EFNA5: variants seen among roughly 807,000 people sequenced by gnomAD.
EFNA5 encodes ephrin A5.
EFNA5 carries 5 observed loss-of-function variants against 22.9 expected under a neutral mutation model. That is an observed-to-expected ratio of 0.22 (90% CI 0.11 to 0.46). The LOEUF is 0.46. Ranked by LOEUF, EFNA5 falls within the 20% of genes least tolerant of loss-of-function variation. The pLI, the probability that EFNA5 is intolerant of heterozygous loss-of-function variation, is 0.99. For synonymous variants in EFNA5, 113 were observed against 112.2 expected, an observed-to-expected ratio of 1.01 and a Z score of -0.04; for missense variants, 237 against 293.3, an observed-to-expected ratio of 0.81 and a Z score of 1.40.
rs1688360492 is a variant in EFNA5 at position 107,470,131 on chromosome 5, C to T, written c.126-42622G>A. ...AGGGGCTCTGAAACTCACATACACACCTACAGCTGGAGAGCCGCTCCTTTG... is the reference window on the plus strand; with the variant it reads ...AGGGGCTCTGAAACTCACATACACATCTACAGCTGGAGAGCCGCTCCTTTG... On this transcript the variant is annotated intron_variant, in intron 1 of 4. Coordinates refer to ENST00000333274, the MANE Select transcript of EFNA5 (RefSeq NM_001962.3). Among the ~76,000 whole-genome samples the T allele has an allele frequency of 1.3e-5, 2 of 152,176 alleles. 1 individual carries two copies. Among genetic ancestry groups the T allele is most frequent in the South Asian group, 4.1e-4 (2 of 4,824 alleles).
At chr5:107,548,502 G>C (rs1325151074) in intron 1 of EFNA5, among the ~76,000 whole-genome samples, 1 of 151,958 alleles carries the variant, frequency 6.6e-6, no homozygotes, top group Non-Finnish European at 1.5e-5. Flanking sequence ...TTTTTGCAAG[G>C]TGAGTAAGTT....
At chr5:107,542,561 G>A (rs910837019) in intron 1 of EFNA5, among the ~76,000 whole-genome samples, 1 of 151,950 alleles carries the variant, frequency 6.6e-6, no homozygotes, top group East Asian at 1.9e-4. Context: ...ATAAGGGGGG[G>A]GTGCGGGGAG....
chr5:107,526,469 C>A (rs1278663322), intron 1 of EFNA5, among the ~76,000 whole-genome samples: 1 of 152,186 alleles, frequency 6.6e-6, no homozygotes, highest in Non-Finnish European at 1.5e-5. Flanking sequence ...GCAAACAGCC[C>A]AGACTTGATT....
chr5:107,607,264 G>A (rs919117151), intron 1 of EFNA5, among the ~76,000 whole-genome samples: 2 of 149,076 alleles, frequency 1.3e-5, no homozygotes, highest in Admixed American at 6.6e-5. Flanking sequence ...AAATGGTGGA[G>A]GTTTATGATC....
At chr5:107,569,589 A>ATATATATATATG (rs1748751969) in intron 1 of EFNA5, among the ~76,000 whole-genome samples, 1 of 132,614 alleles carries the variant, frequency 7.5e-6, no homozygotes, top group Non-Finnish European at 1.6e-5. Context: ...ATATATATAT[A>ATATATATATATG]TATATATTCC....
chr5:107,653,002 C>A (rs1009084954), intron 1 of EFNA5, among the ~76,000 whole-genome samples: 1 of 151,980 alleles, frequency 6.6e-6, no homozygotes, highest in African/African-American at 2.4e-5. Flanking sequence ...CCCAGGGATG[C>A]CAAGGCACTT....
At chr5:107,590,356 T>C (rs954454108) in intron 1 of EFNA5, among the ~76,000 whole-genome samples, 3 of 152,080 alleles carry the variant, frequency 2.0e-5, no homozygotes. Flanking sequence ...TAGTTCTGTG[T>C]CAAATGTTGG....
intron 1 of EFNA5, among the ~76,000 whole-genome samples, chr5:107,496,680 G>T (rs928571741): frequency 6.6e-6 from 1 of 152,224 alleles, no homozygotes; most frequent in East Asian, 1.9e-4. Flanking sequence ...GTTGGGGCTT[G>T]CTAAGCAATA....
chr5:107,566,063 C>T (rs1748660716), intron 1 of EFNA5, among the ~76,000 whole-genome samples: 2 of 152,154 alleles, frequency 1.3e-5, no homozygotes, highest in South Asian at 2.1e-4. Flanking sequence ...TTGATATTCC[C>T]AGAAGATTCT....
chr5:107,582,432 GT>G (rs1749091037), intron 1 of EFNA5, among the ~76,000 whole-genome samples: 1 of 152,124 alleles, frequency 6.6e-6, no homozygotes, highest in Non-Finnish European at 1.5e-5. Flanking sequence ...TTCAATAAAT[GT>G]TTAGAGAACA....
chr5:107,439,401 G>A (rs1438105189), intron 1 of EFNA5, among the ~76,000 whole-genome samples: 2 of 152,230 alleles, frequency 1.3e-5, no homozygotes, highest in East Asian at 3.8e-4. Flanking sequence ...AGTCTGAGCA[G>A]ACTAATATGA....
At chr5:107,515,365 AT>A (rs1747455032) in intron 1 of EFNA5, among the ~76,000 whole-genome samples, 1 of 45,608 alleles carries the variant, frequency 2.2e-5, no homozygotes, top group Admixed American at 2.9e-4. Context: ...TTTTTATTTT[AT>A]TATTATTATT....
At chr5:107,510,641 C>T (rs17534228) in intron 1 of EFNA5, among the ~76,000 whole-genome samples, 22,439 of 152,086 alleles carry the variant, frequency 0.15, 1,870 homozygotes, top group Middle Eastern at 0.21. Context: ...GTGCTTAGTA[C>T]GTTTTCTTGA....
intron 1 of EFNA5, among the ~76,000 whole-genome samples, chr5:107,548,784 T>G (rs1246841190): frequency 6.6e-6 from 1 of 152,156 alleles, no homozygotes; most frequent in Non-Finnish European, 1.5e-5. Flanking sequence ...CAAAGGTGTG[T>G]TGGCTTTGGT....
At chr5:107,637,287 G>A (rs1750392717) in intron 1 of EFNA5, among the ~76,000 whole-genome samples, 1 of 152,172 alleles carries the variant, frequency 6.6e-6, no homozygotes, top group Non-Finnish European at 1.5e-5. Flanking sequence ...TCCCAAGAAT[G>A]ACTTTTGGTT....
At chr5:107,651,468 C>G (rs1750728249) in intron 1 of EFNA5, among the ~76,000 whole-genome samples, 1 of 152,010 alleles carries the variant, frequency 6.6e-6, no homozygotes, top group South Asian at 2.1e-4. Context: ...AGCCTGTACT[C>G]TAACTAGGAA....
intron 1 of EFNA5, among the ~76,000 whole-genome samples, chr5:107,659,546 G>A (rs566340436): frequency 1.4e-5 from 2 of 140,546 alleles, no homozygotes; most frequent in Admixed American, 7.3e-5. Flanking sequence ...ATCTTCCATA[G>A]GTCTACAGGC....
intron 1 of EFNA5, among the ~76,000 whole-genome samples, chr5:107,538,795 G>T (rs907103827): frequency 2.6e-5 from 4 of 152,216 alleles, no homozygotes; most frequent in Non-Finnish European, 5.9e-5. Flanking sequence ...TCCGAATTCA[G>T]CTGCAATGAT....
At chr5:107,472,339 T>C (rs139149077) in intron 1 of EFNA5, among the ~76,000 whole-genome samples, 55 of 152,344 alleles carry the variant, frequency 3.6e-4, no homozygotes, top group African/African-American at 1.3e-3. Context: ...TTGCAGTGAC[T>C]CAAGACCGTG....
Sources: gnomAD v4.1 joint callset for allele counts (sites outside exome capture counted in the v4.1 genomes callset) on GRCh38, gnomAD v4.1.1 for gene constraint, MANE v1.5 for transcripts, NCBI Gene and HGNC (gene_info 2026-07-23, HGNC 2026-07-21) for gene names.